TSHZ1: variants seen among roughly 807,000 people sequenced by gnomAD.
TSHZ1 encodes teashirt homolog 1.
TSHZ1 carries 12 observed loss-of-function variants against 67.1 expected under a neutral mutation model. The observed-to-expected ratio is 0.18, with a 90% CI of 0.11 to 0.29. The LOEUF (loss-of-function observed/expected upper bound fraction) is 0.29. Among genes scored for constraint, TSHZ1 ranks in the 10% least tolerant of loss-of-function variants. The pLI, the probability that TSHZ1 is intolerant of heterozygous loss-of-function variation, is 1.00. For synonymous variants in TSHZ1, 632 were observed against 622.4 expected (o/e 1.02, Z -0.23); for missense variants, 1,305 against 1,413.9 (o/e 0.92, Z 1.23).
intron 1 of TSHZ1, among the ~76,000 whole-genome samples, chr18:75,269,743 T>G (rs918548753): frequency 1.2e-4 from 18 of 152,204 alleles, no homozygotes; most frequent in African/African-American, 4.3e-4. Flanking sequence ...ACCCCATCCA[T>G]TCCCAGAACT....
chr18:75,275,044 T>G (rs1460543899), intron 1 of TSHZ1, among the ~76,000 whole-genome samples: 2 of 152,246 alleles, frequency 1.3e-5, no homozygotes, highest in African/African-American at 2.4e-5. Flanking sequence ...AACCCTGTGC[T>G]GGATGTTAGT....
intron 1 of TSHZ1, among the ~76,000 whole-genome samples, chr18:75,227,930 G>A (rs578205196): frequency 1.3e-5 from 2 of 152,326 alleles, no homozygotes; most frequent in East Asian, 1.9e-4. Context: ...AGACAGTCAC[G>A]TTCCCCATTT....
At chr18:75,223,823 T>C (rs890232729) in intron 1 of TSHZ1, among the ~76,000 whole-genome samples, 1 of 152,082 alleles carries the variant, frequency 6.6e-6, no homozygotes, top group African/African-American at 2.4e-5. Flanking sequence ...GCCGCTATCC[T>C]GTGACTAAAC....
intron 1 of TSHZ1, chr18:75,282,804 A>G (rs1433159095): frequency 6.6e-6 from 1 of 152,240 alleles, no homozygotes; most frequent in Non-Finnish European, 1.5e-5. Context: ...AAGCTGACGA[A>G]CACAAAGTCA....
chr18:75,237,419 G>A (rs1337547356), intron 1 of TSHZ1, among the ~76,000 whole-genome samples: 1 of 152,146 alleles, frequency 6.6e-6, no homozygotes, highest in Non-Finnish European at 1.5e-5. Flanking sequence ...CTACTCAGGA[G>A]GCTGAGGTGG....
At chr18:75,229,208 A>T (rs1287520389) in intron 1 of TSHZ1, among the ~76,000 whole-genome samples, 2 of 152,230 alleles carry the variant, frequency 1.3e-5, no homozygotes, top group Non-Finnish European at 2.9e-5. Context: ...CTCAAAGCCC[A>T]CCTCAGCTTT....
rs79805241 is a variant in TSHZ1, at chr18:75,235,229, G to A, written c.40+23313G>A. 9.8e-3 allele frequency among the ~76,000 whole-genome samples: 1,499 copies of A among 152,194 alleles called. 28 individuals are homozygous for A. Among genetic ancestry groups the A allele is most frequent in the African/African-American group, 0.033 (1,361 of 41,502 alleles). On this transcript the variant is annotated intron_variant, in intron 1 of 1. Coordinates refer to ENST00000580243, the MANE Select transcript of TSHZ1 (RefSeq NM_001308210.2). ...TAAGAAATAAATATTGACATTAAAC[G>A]TTTAATCCCCTTGGTTTCCTGACAT...
At position 75,288,521 on chromosome 18, in the gene TSHZ1, A is replaced by G. The variant is rs1258018842; in HGVS notation, c.3114A>G (p.Gln1038=). The change falls in exon 2 of 2, where the codon CAA becomes CAG. Residue 1038 remains glutamine (Q), a synonymous_variant. Coordinates refer to ENST00000580243, the MANE Select transcript of TSHZ1 (RefSeq NM_001308210.2). The surrounding 1 kb of genome is among the most constrained non-coding windows in gnomAD (Gnocchi z 4.9). ...ATEEDLGSTF[Q]CKLCNRTFAS... is the part of the protein sequence containing the mutation. ...AGGAAGACTTGGGCTCCACATTCCA[A>G]TGTAAGCTCTGCAACCGGACTTTTG... is the stretch of plus-strand genomic sequence containing the variant. 3 of 1,614,076 alleles carry G rather than the reference A, an allele frequency of 1.9e-6. No homozygotes were observed. Among genetic ancestry groups the G allele is most frequent in the African/African-American group, 1.3e-5 (1 of 74,930 alleles).
At chr18:75,283,838 C>T (rs79640190) in intron 1 of TSHZ1, 7,280 of 152,296 alleles carry the variant, frequency 0.048, 233 homozygotes, top group South Asian at 0.073. Context: ...CTCCCTGCTG[C>T]CCCTGGCATC....
intron 1 of TSHZ1, among the ~76,000 whole-genome samples, chr18:75,247,140 C>G (rs998760248): frequency 6.6e-6 from 1 of 152,160 alleles, no homozygotes; most frequent in Non-Finnish European, 1.5e-5. Context: ...CTGGAAGTGC[C>G]CTAGGCTGTA....
intron 1 of TSHZ1, among the ~76,000 whole-genome samples, chr18:75,222,699 A>C (rs2022863594): frequency 6.6e-6 from 1 of 152,190 alleles, no homozygotes; most frequent in African/African-American, 2.4e-5. Flanking sequence ...GACTATGTTT[A>C]AACCCAGTTC....
At chr18:75,255,413 A>G (rs887130467) in intron 1 of TSHZ1, among the ~76,000 whole-genome samples, 1 of 152,214 alleles carries the variant, frequency 6.6e-6, no homozygotes, top group Non-Finnish European at 1.5e-5. Flanking sequence ...CAAATATGCT[A>G]AATACAGGTA....
chr18:75,231,527 C>T (rs1276907877), intron 1 of TSHZ1, among the ~76,000 whole-genome samples: 1 of 152,140 alleles, frequency 6.6e-6, no homozygotes, highest in Non-Finnish European at 1.5e-5. Flanking sequence ...CCTGCCTGCA[C>T]TCTGCAATTT....
In TSHZ1 at chr18:75,288,010, A is replaced by T; in HGVS notation, c.2603A>T (p.Asp868Val). Residue 868 changes from aspartate to valine, a missense_variant, in exon 2 of 2, where the codon GAT becomes GTT. Asp to Val is a radical substitution (Grantham distance 152). Coordinates refer to ENST00000580243, the MANE Select transcript of TSHZ1 (RefSeq NM_001308210.2). This position sits in a 1 kb window ranked among gnomAD's most constrained non-coding sequence, Gnocchi z 4.9. The stretch of plus-strand genomic sequence containing the variant: ...ACAGTTTCAGAGAAGTCCGATGCTG[A>T]TGGCAGCAGCTTTGAGGAGGCGTTG... ...PSTVSEKSDA[D>V]GSSFEEALDE... 1 of 1,614,202 alleles carries T rather than the reference A, an allele frequency of 6.2e-7. No homozygotes were observed. Among genetic ancestry groups the T allele is most frequent in the Middle Eastern group, 1.6e-4 (1 of 6,062 alleles).
intron 1 of TSHZ1, among the ~76,000 whole-genome samples, chr18:75,272,336 G>A (rs1051657784): frequency 2.0e-5 from 3 of 152,224 alleles, no homozygotes; most frequent in Admixed American, 1.3e-4. Context: ...GGGAGGATGA[G>A]AGGGAAAGAG....
chr18:75,280,827 G>C (rs994181060), intron 1 of TSHZ1: 5 of 985,316 alleles, frequency 5.1e-6, no homozygotes, highest in African/African-American at 1.7e-5. Flanking sequence ...AACAGCTCCA[G>C]ATTCTTCCAG....
intron 1 of TSHZ1, chr18:75,280,915 G>A: frequency 1.4e-6 from 1 of 728,916 alleles, no homozygotes; most frequent in Non-Finnish European, 1.7e-6. Flanking sequence ...GGATGAGGGA[G>A]GGCCCAGTAG....
At chr18:75,226,716 G>A (rs1490413832) in intron 1 of TSHZ1, among the ~76,000 whole-genome samples, 1 of 151,982 alleles carries the variant, frequency 6.6e-6, no homozygotes, top group East Asian at 1.9e-4. Flanking sequence ...CAGCCGCAGT[G>A]TCAGCCCCTG....
At chr18:75,236,763 AT>A (rs751105377) in intron 1 of TSHZ1, among the ~76,000 whole-genome samples, 13 of 152,164 alleles carry the variant, frequency 8.5e-5, no homozygotes, top group Non-Finnish European at 1.6e-4. Context: ...CTTGCATTAT[AT>A]AATTTCAGTT....
Sources: gnomAD v4.1 joint callset for allele counts (sites outside exome capture counted in the v4.1 genomes callset) on GRCh38, gnomAD v4.1.1 for gene constraint, Gnocchi (gnomAD v3.1) non-coding constraint, MANE v1.5 for transcripts, NCBI Gene and HGNC (gene_info 2026-07-23, HGNC 2026-07-21) for gene names.